LASP1: variants seen among roughly 807,000 people sequenced by gnomAD.
LASP1 encodes LIM and SH3 domain protein 1.
Under a neutral mutation model 38.6 loss-of-function variants are expected in LASP1, and 10 were observed. That is an observed-to-expected ratio of 0.26 (90% CI 0.16 to 0.44). The LOEUF (loss-of-function observed/expected upper bound fraction) is 0.44. Among genes scored for constraint, LASP1 ranks in the 20% least tolerant of loss-of-function variants. LASP1 has a pLI of 1.00. For missense variants in LASP1, 243 were observed against 375.7 expected, an observed-to-expected ratio of 0.65 and a Z score of 2.92; for synonymous variants, 132 against 140.8, an observed-to-expected ratio of 0.94 and a Z score of 0.44.
chr17:38,901,983 G>C (rs1335130143), intron 4 of LASP1, among the ~76,000 whole-genome samples: 1 of 152,098 alleles, frequency 6.6e-6, no homozygotes, highest in Non-Finnish European at 1.5e-5. Context: ...TAGCCAGGAT[G>C]ATCTTGATCT....
At chr17:38,906,497 C>A (rs959602652) in intron 4 of LASP1, among the ~76,000 whole-genome samples, 6 of 152,044 alleles carry the variant, frequency 3.9e-5, no homozygotes, top group South Asian at 2.1e-4. Flanking sequence ...CCACTGCACT[C>A]CATCCTGGGC....
chr17:38,917,863 A>T (rs1915177929), intron 6 of LASP1, among the ~76,000 whole-genome samples: 1 of 151,754 alleles, frequency 6.6e-6, no homozygotes, highest in Non-Finnish European at 1.5e-5. Flanking sequence ...CTAATTTTTT[A>T]TTTTTTGTTG....
chr17:38,874,324 T>A (rs1913696015), intron 1 of LASP1, among the ~76,000 whole-genome samples: 1 of 152,146 alleles, frequency 6.6e-6, no homozygotes, highest in Non-Finnish European at 1.5e-5. Context: ...ACGGGGTCAC[T>A]GTGGGGTCCT....
At chr17:38,896,935 G>A (rs371689047) in intron 3 of LASP1, 2 of 985,276 alleles carry the variant, frequency 2.0e-6, no homozygotes, top group African/African-American at 3.5e-5. Flanking sequence ...TTGAGATGCA[G>A]GGCTTCTGTA....
At chr17:38,883,194 T>C (rs2143747938) in intron 2 of LASP1, among the ~76,000 whole-genome samples, 1 of 151,982 alleles carries the variant, frequency 6.6e-6, no homozygotes. Flanking sequence ...GGCCAGGAGT[T>C]CAAGACCAGC....
At chr17:38,877,936 C>T in intron 1 of LASP1, 150 bp from the exon 2 acceptor site, 1 of 591,970 alleles carries the variant, frequency 1.7e-6, no homozygotes, top group Non-Finnish European at 3.1e-6. Flanking sequence ...ACCTGAAATG[C>T]CCCCAGCTCA....
chr17:38,889,366 G>C (rs1376660777), intron 2 of LASP1, among the ~76,000 whole-genome samples: 1 of 152,088 alleles, frequency 6.6e-6, no homozygotes, highest in Non-Finnish European at 1.5e-5. Context: ...TCCTGACCTC[G>C]TGATCTGCCC....
intron 4 of LASP1, among the ~76,000 whole-genome samples, chr17:38,902,893 G>A (rs985240670): frequency 6.6e-6 from 1 of 152,028 alleles, no homozygotes; most frequent in African/African-American, 2.4e-5. Context: ...AGTAGACACA[G>A]GGTTTTGCCA....
chr17:38,871,142 G>A (rs1913596876), intron 1 of LASP1, among the ~76,000 whole-genome samples: 1 of 137,604 alleles, frequency 7.3e-6, no homozygotes, highest in Non-Finnish European at 1.6e-5. Context: ...AAAGGGGGAG[G>A]TATTGGGGGG....
rs745602082 is a variant in LASP1, at chr17:38,915,162, C to T, written c.612+16C>T. 91 of 1,609,046 alleles carry T rather than the reference C, an allele frequency of 5.7e-5. No homozygotes were observed. The highest frequency in any genetic ancestry group is 7.7e-5 in the South Asian group (7 of 90,976). ...TGGTGGCGGGGTGAGTAACCCTGGC[C>T]GGAGGGGAGAGGCCAGAGGCAGGGG... On this transcript the variant is annotated intron_variant, in intron 6 of 6. Coordinates refer to ENST00000318008, the MANE Select transcript of LASP1 (RefSeq NM_006148.4).
intron 4 of LASP1, among the ~76,000 whole-genome samples, chr17:38,913,447 G>A (rs1915013306): frequency 6.6e-6 from 1 of 152,170 alleles, no homozygotes; most frequent in Admixed American, 6.5e-5. Flanking sequence ...AGGTGGAATC[G>A]CCTGTTGATG....
chr17:38,899,263 G>C (rs1389115356), intron 4 of LASP1: 1 of 167,604 alleles, frequency 6.0e-6, no homozygotes, highest in Non-Finnish European at 1.3e-5. Context: ...CAGAACTGCA[G>C]GGGCTGCCCA....
Position 38,870,166 on chromosome 17 carries a change from C to A in LASP1, c.-24C>A. On this transcript the variant is annotated 5_prime_UTR_variant, in exon 1 of 7. Transcript: ENST00000318008. ...CAGGACGCGCGTGAGCTCAGGCGTC[C>A]CCGCCCCAGCTTTTCTCGGAACCAT... 6.2e-7 allele frequency: 1 copy of A among 1,612,832 alleles called. No individual in the cohort carries two copies.
intron 4 of LASP1, among the ~76,000 whole-genome samples, chr17:38,900,149 GC>G (rs1349811047): frequency 9.6e-5 from 13 of 134,796 alleles, no homozygotes; most frequent in African/African-American, 3.3e-4. Flanking sequence ...GATTGCTTGA[GC>G]CCAGGAGTTT....
chr17:38,897,885 G>A (rs1483398071), intron 3 of LASP1, among the ~76,000 whole-genome samples: 5 of 152,226 alleles, frequency 3.3e-5, no homozygotes, highest in Non-Finnish European at 5.9e-5. Flanking sequence ...TCCCCCAGGC[G>A]TAGTGGGCAG....
chr17:38,892,788 C>T (rs557486402), intron 3 of LASP1, among the ~76,000 whole-genome samples: 14 of 152,334 alleles, frequency 9.2e-5, no homozygotes, highest in African/African-American at 3.1e-4. Flanking sequence ...CTGCCCCCCA[C>T]AGGGGAAGCC....
At chr17:38,880,426 T>C (rs1913910803) in intron 2 of LASP1, among the ~76,000 whole-genome samples, 1 of 152,264 alleles carries the variant, frequency 6.6e-6, no homozygotes. Context: ...TCAAGGTTTC[T>C]TCTCTGGGTG....
In LASP1 at chr17:38,919,909, T is replaced by C; in HGVS notation, c.*1131T>C. On this transcript the variant is annotated 3_prime_UTR_variant, in exon 7 of 7. Transcript: ENST00000318008. ...GTGAGAGATGGGGCGGGGGTGTGTC[T>C]GTAGGTGTCTCTGGGCCTGTGTGTG... 1 of 519,506 alleles carries C rather than the reference T, an allele frequency of 1.9e-6. No homozygotes were observed. The highest frequency in any genetic ancestry group is 3.7e-6 in the Non-Finnish European group (1 of 267,634). 32.2% of individuals were successfully genotyped at this position (519,506 alleles called of 1,614,324 possible).
Position 38,919,747 on chromosome 17 carries a change from C to T in LASP1, c.*969C>T. 1 of 406,366 alleles carries T rather than the reference C, an allele frequency of 2.5e-6. No individual in the cohort carries two copies. Among genetic ancestry groups the T allele is most frequent in the South Asian group, 2.4e-5 (1 of 41,054 alleles). 25.2% of individuals were successfully genotyped at this position (406,366 alleles called of 1,614,324 possible). ...ATGTCTCAGAGCCTTCCATGACCTC[C>T]CCTCCCCAGCCCAATGCCAAGTGGA... On this transcript the variant is annotated 3_prime_UTR_variant, in exon 7 of 7. Transcript: ENST00000318008.
Sources: allele counts gnomAD v4.1 joint callset (sites outside exome capture counted in the v4.1 genomes callset), GRCh38; gene constraint gnomAD v4.1.1; transcripts MANE v1.5; gene names NCBI Gene and HGNC (gene_info 2026-07-23, HGNC 2026-07-21).